Variants in XPR1 observed in about 807,000 individuals in gnomAD.
The protein encoded by XPR1 is solute carrier family 53 member 1.
A neutral mutation model predicts 87.5 loss-of-function variants in XPR1; 28 were observed. The ratio of observed to expected loss-of-function variants is 0.32; its 90% CI spans 0.24 to 0.44. The LOEUF (loss-of-function observed/expected upper bound fraction) is 0.44. Ranked by LOEUF, XPR1 falls within the 20% of genes least tolerant of loss-of-function variation. XPR1 has a pLI of 1.00. For synonymous variants in XPR1, 300 were observed against 306.1 expected (o/e 0.98, Z 0.21); for missense variants, 559 against 862.3 (o/e 0.65, Z 4.41).
chr1:180,664,765 T>G (rs1468635493), intron 1 of XPR1, among the ~76,000 whole-genome samples: 1 of 152,176 alleles, frequency 6.6e-6, no homozygotes, highest in Non-Finnish European at 1.5e-5. Flanking sequence ...CCGACATTTT[T>G]AGCACCAGGG....
At chr1:180,672,229 T>C (rs1656205885) in intron 1 of XPR1, among the ~76,000 whole-genome samples, 1 of 152,236 alleles carries the variant, frequency 6.6e-6, no homozygotes, top group Admixed American at 6.5e-5. Flanking sequence ...ATCAGTACAA[T>C]AAAACTTTAG....
At chr1:180,718,772 G>C (rs1039516037) in intron 2 of XPR1, among the ~76,000 whole-genome samples, 1 of 151,406 alleles carries the variant, frequency 6.6e-6, no homozygotes, top group African/African-American at 2.4e-5. Flanking sequence ...GGGTTCAAGC[G>C]ATTCTCCTGC....
At chr1:180,785,988 G>T (rs1459447741) in intron 2 of XPR1, among the ~76,000 whole-genome samples, 2 of 150,664 alleles carry the variant, frequency 1.3e-5, no homozygotes, top group Admixed American at 1.3e-4. Context: ...AGAAAGCTGT[G>T]ACCTGCTTCA....
intron 2 of XPR1, among the ~76,000 whole-genome samples, chr1:180,776,062 A>G (rs762312741): frequency 6.6e-6 from 1 of 152,174 alleles, no homozygotes; most frequent in Non-Finnish European, 1.5e-5. Context: ...AATTCTCTGA[A>G]ATACTCAAAT....
intron 2 of XPR1, among the ~76,000 whole-genome samples, chr1:180,695,408 T>TTGTG (rs1205037869): frequency 0.3 from 44,516 of 148,196 alleles, 6,738 homozygotes; most frequent in Non-Finnish European, 0.33. Flanking sequence ...GTAGTCCCAT[T>TTGTG]TGTGTGTGTG....
intron 1 of XPR1, among the ~76,000 whole-genome samples, chr1:180,637,204 T>C (rs1043928542): frequency 6.6e-6 from 1 of 152,208 alleles, no homozygotes; most frequent in Non-Finnish European, 1.5e-5. Context: ...TGCACAGGTA[T>C]ACTGAAGAAA....
intron 2 of XPR1, among the ~76,000 whole-genome samples, chr1:180,733,139 C>T (rs746820428): frequency 2.0e-5 from 3 of 152,148 alleles, no homozygotes; most frequent in Non-Finnish European, 1.5e-5. Flanking sequence ...CTGCCTGCTA[C>T]GGTCTTAGGG....
chr1:180,659,519 AGTG>A (rs1655689762), intron 1 of XPR1, among the ~76,000 whole-genome samples: 1 of 135,842 alleles, frequency 7.4e-6, no homozygotes, highest in Non-Finnish European at 1.5e-5. Flanking sequence ...CCCAGGCTGG[AGTG>A]CAGTGGTGCA....
intron 11 of XPR1, among the ~76,000 whole-genome samples, chr1:180,849,308 A>G (rs1438315203): frequency 6.6e-6 from 1 of 152,218 alleles, no homozygotes; most frequent in Non-Finnish European, 1.5e-5. Flanking sequence ...TAAGTAGCAA[A>G]ACCAGAATTT....
At chr1:180,701,714 G>C (rs1285433696) in intron 2 of XPR1, among the ~76,000 whole-genome samples, 2 of 139,620 alleles carry the variant, frequency 1.4e-5, no homozygotes, top group African/African-American at 6.0e-5. Flanking sequence ...TTTGGTATCA[G>C]AATGATGCTG....
At chr1:180,733,390 A>G (rs1245777762) in intron 2 of XPR1, among the ~76,000 whole-genome samples, 3 of 152,212 alleles carry the variant, frequency 2.0e-5, no homozygotes, top group Non-Finnish European at 2.9e-5. Context: ...GGCTCTTTCC[A>G]AATTACAAGT....
intron 10 of XPR1, 73 bp from the exon 11 acceptor site, chr1:180,836,449 C>T (rs1571882609): frequency 6.4e-7 from 1 of 1,553,728 alleles, no homozygotes; most frequent in East Asian, 2.2e-5. Flanking sequence ...GTATTAGCTA[C>T]ACTATATGGC....
At chr1:180,714,352 T>TCTCC (rs1557970725) in intron 2 of XPR1, among the ~76,000 whole-genome samples, 1 of 25,978 alleles carries the variant, frequency 3.8e-5, no homozygotes, top group African/African-American at 2.1e-4. Context: ...TTCCCTGTTC[T>TCTCC]CTCTCTCTCT....
chr1:180,764,160 T>G (rs1648176566), intron 2 of XPR1, among the ~76,000 whole-genome samples: 1 of 152,208 alleles, frequency 6.6e-6, no homozygotes, highest in African/African-American at 2.4e-5. Flanking sequence ...CATGGGTGGC[T>G]GAGCTAGTGA....
intron 3 of XPR1, among the ~76,000 whole-genome samples, chr1:180,802,703 T>C (rs1649835149): frequency 6.6e-6 from 1 of 152,182 alleles, no homozygotes; most frequent in Non-Finnish European, 1.5e-5. Context: ...ACTCAGCCCA[T>C]GGCAAGCAGT....
At chr1:180,636,593 G>A (rs1216984032) in intron 1 of XPR1, among the ~76,000 whole-genome samples, 2 of 152,152 alleles carry the variant, frequency 1.3e-5, no homozygotes, top group African/African-American at 4.8e-5. Context: ...ATTTGACCTG[G>A]GGTGACCATG....
At chr1:180,666,849 C>T (rs1264311727) in intron 1 of XPR1, among the ~76,000 whole-genome samples, 2 of 151,898 alleles carry the variant, frequency 1.3e-5, no homozygotes, top group Non-Finnish European at 2.9e-5. Flanking sequence ...CTAGAACTTA[C>T]ATTGAACAGA....
intron 2 of XPR1, among the ~76,000 whole-genome samples, chr1:180,725,513 G>T (rs1214318953): frequency 6.6e-6 from 1 of 152,102 alleles, no homozygotes; most frequent in African/African-American, 2.4e-5. Context: ...TAGTATTGTT[G>T]TACTTAATTA....
intron 3 of XPR1, among the ~76,000 whole-genome samples, chr1:180,794,284 C>G (rs1649493171): frequency 6.6e-6 from 1 of 152,076 alleles, no homozygotes; most frequent in African/African-American, 2.4e-5. Context: ...ATTTATGTAT[C>G]TAAATATAGA....
Sources: gnomAD v4.1 joint callset for allele counts (sites outside exome capture counted in the v4.1 genomes callset) on GRCh38, gnomAD v4.1.1 for gene constraint, MANE v1.5 for transcripts, NCBI Gene and HGNC (gene_info 2026-07-23, HGNC 2026-07-21) for gene names.